The following XIRP2 variants were observed in gnomAD, a reference collection of about 807,000 sequenced individuals.
XIRP2 encodes xin actin-binding repeat-containing protein 2.
Under a neutral mutation model 277.0 loss-of-function variants are expected in XIRP2, and 236 were observed. The observed-to-expected ratio is 0.85, with a 90% CI of 0.77 to 0.95. The LOEUF (loss-of-function observed/expected upper bound fraction) is 0.95, where lower values mean the gene tolerates loss of function less well. Ranked by LOEUF, XIRP2 falls within the 40% of genes least tolerant of loss-of-function variation. The pLI, the probability that XIRP2 is intolerant of heterozygous loss-of-function variation, is 0.00. For missense variants in XIRP2, 4,640 were observed against 4,157.5 expected (o/e 1.12, Z -3.19); for synonymous variants, 1,490 against 1,416.5 (o/e 1.05, Z -1.17).
chr2:167,009,115 A>G (rs1391946690), intron 2 of XIRP2, among the ~76,000 whole-genome samples: 2 of 151,802 alleles, frequency 1.3e-5, no homozygotes, highest in African/African-American at 4.8e-5. Flanking sequence ...CACAATGTGC[A>G]GGTTAGTTAC....
chr2:167,114,480 A>C (rs1369500482), intron 2 of XIRP2, among the ~76,000 whole-genome samples: 1 of 152,068 alleles, frequency 6.6e-6, no homozygotes, highest in African/African-American at 2.4e-5. Flanking sequence ...GTTTTAGGGT[A>C]CATGTGCACA....
intron 2 of XIRP2, among the ~76,000 whole-genome samples, chr2:167,116,903 A>G (rs903995440): frequency 6.6e-6 from 1 of 152,218 alleles, no homozygotes; most frequent in Non-Finnish European, 1.5e-5. Flanking sequence ...GTTTTATAGA[A>G]GGCTTACGAG....
intron 3 of XIRP2, among the ~76,000 whole-genome samples, chr2:167,204,870 C>T (rs969551701): frequency 6.6e-6 from 1 of 152,012 alleles, no homozygotes; most frequent in Non-Finnish European, 1.5e-5. Context: ...TTATGAACTA[C>T]TTCTATTTCT....
intron 2 of XIRP2, among the ~76,000 whole-genome samples, chr2:166,925,607 A>ATACATATAAG (rs1400464382): frequency 4.2e-5 from 6 of 141,552 alleles, no homozygotes; most frequent in African/African-American, 1.6e-4. Flanking sequence ...ATATATATAT[A>ATACATATAAG]TATATATATA....
At chr2:166,997,177 C>T (rs775638367) in intron 2 of XIRP2, among the ~76,000 whole-genome samples, 3 of 152,142 alleles carry the variant, frequency 2.0e-5, no homozygotes, top group East Asian at 3.9e-4. Flanking sequence ...TATGAAATCT[C>T]ATTTTCACAG....
chr2:166,925,410 G>C (rs971235148), intron 2 of XIRP2, among the ~76,000 whole-genome samples: 1 of 151,596 alleles, frequency 6.6e-6, no homozygotes, highest in African/African-American at 2.4e-5. Context: ...CACCAGGTTT[G>C]TATTGCTTTT....
chr2:166,907,997 G>A (rs148385239), intron 2 of XIRP2, among the ~76,000 whole-genome samples: 2,097 of 149,970 alleles, frequency 0.014, 45 homozygotes, highest in African/African-American at 0.045. Flanking sequence ...GCCACATTTA[G>A]TTAATCCAGT....
chr2:167,039,377 T>G (rs548489297), intron 2 of XIRP2, among the ~76,000 whole-genome samples: 42 of 152,358 alleles, frequency 2.8e-4, no homozygotes, highest in African/African-American at 1.0e-3. Context: ...CTGCTAGGCA[T>G]TGCTGTGAAC....
chr2:167,143,409 A>G (rs1414559224), intron 3 of XIRP2, among the ~76,000 whole-genome samples: 2 of 152,170 alleles, frequency 1.3e-5, no homozygotes, highest in East Asian at 3.9e-4. Flanking sequence ...AAGAGGAGAA[A>G]GAACGCATGT....
intron 3 of XIRP2, among the ~76,000 whole-genome samples, chr2:167,159,562 A>G (rs73019957): frequency 0.099 from 15,026 of 152,220 alleles, 795 homozygotes; most frequent in South Asian, 0.15. Flanking sequence ...TAATCTGGTC[A>G]TTGAAAGCAC....
chr2:167,076,011 A>G (rs952742838), intron 2 of XIRP2, among the ~76,000 whole-genome samples: 1 of 152,108 alleles, frequency 6.6e-6, no homozygotes, highest in Non-Finnish European at 1.5e-5. Context: ...ATGAGCACTC[A>G]GTTTGCAGAA....
chr2:167,176,278 A>G (rs796260324), intron 3 of XIRP2, among the ~76,000 whole-genome samples: 1 of 151,874 alleles, frequency 6.6e-6, no homozygotes, highest in South Asian at 2.1e-4. Flanking sequence ...GACCCCTTAC[A>G]CTTCCCACGT....
At chr2:166,951,199 G>A (rs1185862022) in intron 2 of XIRP2, among the ~76,000 whole-genome samples, 1 of 152,000 alleles carries the variant, frequency 6.6e-6, no homozygotes, top group East Asian at 1.9e-4. Context: ...TTGTATATAC[G>A]TTAGGCCATT....
intron 2 of XIRP2, among the ~76,000 whole-genome samples, chr2:167,116,570 G>C (rs553131971): frequency 2.6e-5 from 4 of 152,052 alleles, no homozygotes; most frequent in Non-Finnish European, 5.9e-5. Context: ...CAGTTATGTT[G>C]TCAACTTTTC....
intron 2 of XIRP2, among the ~76,000 whole-genome samples, chr2:167,087,684 G>A (rs1407217703): frequency 1.3e-5 from 2 of 152,334 alleles, no homozygotes; most frequent in Non-Finnish European, 2.9e-5. Context: ...CGCAGTATTT[G>A]GGTGGCAGTG....
At chr2:167,148,579 A>C (rs2105329544) in intron 3 of XIRP2, among the ~76,000 whole-genome samples, 1 of 152,184 alleles carries the variant, frequency 6.6e-6, no homozygotes, top group Non-Finnish European at 1.5e-5. Flanking sequence ...TATATAGCTG[A>C]AATAATTCTA....
intron 2 of XIRP2, among the ~76,000 whole-genome samples, chr2:167,089,645 A>T (rs189449447): frequency 8.8e-4 from 134 of 152,058 alleles, no homozygotes; most frequent in Non-Finnish European, 1.6e-3. Flanking sequence ...TATTAAGTAA[A>T]TGTGCATGTG....
intron 3 of XIRP2, among the ~76,000 whole-genome samples, chr2:167,140,439 G>A (rs956173188): frequency 4.6e-5 from 7 of 152,096 alleles, no homozygotes; most frequent in African/African-American, 1.2e-4. Flanking sequence ...TGGAAACTTC[G>A]GAGTAAATCA....
chr2:167,185,795 A>G (rs1373697636), intron 3 of XIRP2, among the ~76,000 whole-genome samples: 1 of 152,184 alleles, frequency 6.6e-6, no homozygotes. Flanking sequence ...ATGTTGGAGT[A>G]ATAACAATGT....
Sources: allele counts gnomAD v4.1 joint callset (sites outside exome capture counted in the v4.1 genomes callset), GRCh38; gene constraint gnomAD v4.1.1; transcripts MANE v1.5; gene names NCBI Gene and HGNC (gene_info 2026-07-23, HGNC 2026-07-21).